SLC25A21: variants seen among roughly 807,000 people sequenced by gnomAD.
SLC25A21 encodes mitochondrial 2-oxodicarboxylate carrier.
SLC25A21 carries 47 observed loss-of-function variants against 43.8 expected under a neutral mutation model. That is an observed-to-expected ratio of 1.07 (90% CI 0.85 to 1.37). The LOEUF (loss-of-function observed/expected upper bound fraction) is 1.37, where lower values mean the gene tolerates loss of function less well. Among genes scored for constraint, SLC25A21 ranks in the 40% most tolerant of loss-of-function variants. SLC25A21 has a pLI of 0.00. For missense variants in SLC25A21, 352 were observed against 350.2 expected (o/e 1.00, Z -0.04); for synonymous variants, 131 against 121.3 (o/e 1.08, Z -0.52).
intron 1 of SLC25A21, among the ~76,000 whole-genome samples, chr14:36,882,795 T>C (rs1485399031): frequency 6.6e-6 from 1 of 151,594 alleles, no homozygotes; most frequent in Admixed American, 6.6e-5. Flanking sequence ...AGCCTAGATA[T>C]TCAGTCTAAA....
At chr14:36,895,981 A>G (rs1247072243) in intron 1 of SLC25A21, among the ~76,000 whole-genome samples, 1 of 152,150 alleles carries the variant, frequency 6.6e-6, no homozygotes, top group African/African-American at 2.4e-5. Flanking sequence ...ATTTTGGAAT[A>G]GGTGTGGTGT....
intron 1 of SLC25A21, among the ~76,000 whole-genome samples, chr14:36,961,251 G>A (rs535543801): frequency 1.7e-4 from 26 of 149,488 alleles, no homozygotes; most frequent in African/African-American, 3.3e-4. Flanking sequence ...TCGCTCTGTC[G>A]CCCAGGCTGG....
intron 3 of SLC25A21, among the ~76,000 whole-genome samples, chr14:36,765,574 T>C (rs1886381619): frequency 6.6e-6 from 1 of 152,196 alleles, no homozygotes; most frequent in African/African-American, 2.4e-5. Context: ...CTTACTGTTG[T>C]GCTTCCAGTA....
intron 2 of SLC25A21, among the ~76,000 whole-genome samples, chr14:36,863,161 A>G (rs1890121033): frequency 6.6e-6 from 1 of 152,180 alleles, no homozygotes; most frequent in Admixed American, 6.5e-5. Flanking sequence ...AGAAAAAATG[A>G]TGTCTGGAGA....
In SLC25A21 at chr14:36,739,685, GAA is replaced by G. The variant is rs34054791; in HGVS notation, c.204-5114_204-5113del. Reference sequence around the variant, plus strand: ...GAGCAAGACTCTGTCTAAAAAAAAAGAAAAAAAAAAAAAAGAGGCACACCAGG... The same window carrying G: ...GAGCAAGACTCTGTCTAAAAAAAAAGAAAAAAAAAAAAGAGGCACACCAGG... On this transcript the variant is annotated intron_variant, in intron 3 of 9. Transcript: ENST00000331299. Among the ~76,000 whole-genome samples, 830 of 137,790 alleles carry G rather than the reference GAA, an allele frequency of 6.0e-3. 9 individuals are homozygous for G. Among genetic ancestry groups the G allele is most frequent in the African/African-American group, 0.019 (735 of 37,866 alleles). The allele number at this position is 137,790 out of a possible 152,430, so 90.4% of individuals were successfully genotyped here. A position where few individuals can be genotyped will look rare whatever the true frequency, so the allele number is the denominator to read the frequency against.
chr14:36,732,662 C>G (rs991929638), intron 4 of SLC25A21, among the ~76,000 whole-genome samples: 2 of 152,060 alleles, frequency 1.3e-5, no homozygotes, highest in African/African-American at 4.8e-5. Context: ...ACCCCGCCCC[C>G]CTCAGTCTCT....
intron 7 of SLC25A21, among the ~76,000 whole-genome samples, chr14:36,709,523 T>A (rs1166440514): frequency 6.6e-6 from 1 of 152,118 alleles, no homozygotes; most frequent in Non-Finnish European, 1.5e-5. Flanking sequence ...GAATTGTCAG[T>A]CACTAGGGGG....
chr14:37,062,212 A>C (rs905451782), intron 1 of SLC25A21, among the ~76,000 whole-genome samples: 1 of 152,234 alleles, frequency 6.6e-6, no homozygotes, highest in African/African-American at 2.4e-5. Context: ...ACTTTCACCA[A>C]TGTGTTGATT....
chr14:37,051,207 T>C (rs1961696795), intron 1 of SLC25A21, among the ~76,000 whole-genome samples: 1 of 152,214 alleles, frequency 6.6e-6, no homozygotes, highest in Non-Finnish European at 1.5e-5. Context: ...TAAAAGTAAG[T>C]TTCTGAAGAA....
chr14:37,133,230 A>G (rs1963421679), intron 1 of SLC25A21, among the ~76,000 whole-genome samples: 1 of 151,968 alleles, frequency 6.6e-6, no homozygotes, highest in African/African-American at 2.4e-5. Flanking sequence ...ATGACTATCA[A>G]ACTTTTTTGG....
At chr14:37,098,806 T>TAGATAGATAGATAGA (rs1491150034) in intron 1 of SLC25A21, among the ~76,000 whole-genome samples, 8 of 4,174 alleles carry the variant, frequency 1.9e-3, no homozygotes, top group African/African-American at 2.2e-3. Flanking sequence ...GATAGATAGA[T>TAGATAGATAGATAGA]TTTTTTTTTT....
chr14:37,030,975 A>C (rs140933309), intron 1 of SLC25A21, among the ~76,000 whole-genome samples: 31 of 152,270 alleles, frequency 2.0e-4, no homozygotes, highest in African/African-American at 6.0e-4. Context: ...AGGAAATGGG[A>C]ATTTCCAAAG....
intron 1 of SLC25A21, among the ~76,000 whole-genome samples, chr14:37,049,747 A>T (rs921193276): frequency 2.0e-5 from 3 of 152,256 alleles, no homozygotes; most frequent in Admixed American, 6.5e-5. Flanking sequence ...AATTAATTTT[A>T]AAAATATATT....
intron 2 of SLC25A21, among the ~76,000 whole-genome samples, chr14:36,828,901 C>G (rs1221910823): frequency 1.3e-5 from 2 of 152,068 alleles, no homozygotes; most frequent in East Asian, 1.9e-4. Context: ...CTACCCCTTT[C>G]TTTGTTTTGT....
At chr14:36,872,557 C>T (rs548631118) in intron 2 of SLC25A21, among the ~76,000 whole-genome samples, 1 of 152,290 alleles carries the variant, frequency 6.6e-6, no homozygotes, top group South Asian at 2.1e-4. Context: ...ACTTCTGTTG[C>T]AGTGTCAGTT....
intron 1 of SLC25A21, among the ~76,000 whole-genome samples, chr14:36,939,386 A>G (rs1300058500): frequency 6.6e-6 from 1 of 152,120 alleles, no homozygotes; most frequent in East Asian, 1.9e-4. Flanking sequence ...ACGATTAAAT[A>G]GAATATACTC....
chr14:36,746,511 T>C (rs944844177), intron 3 of SLC25A21, among the ~76,000 whole-genome samples: 3 of 152,136 alleles, frequency 2.0e-5, no homozygotes, highest in African/African-American at 4.8e-5. Flanking sequence ...TGTACATTTA[T>C]TTGGGCGATG....
chr14:36,971,307 C>T (rs1959743082), intron 1 of SLC25A21, among the ~76,000 whole-genome samples: 1 of 152,154 alleles, frequency 6.6e-6, no homozygotes, highest in Non-Finnish European at 1.5e-5. Context: ...GAAGCTTGCA[C>T]AGGTGAATGC....
chr14:36,987,172 T>A (rs139575308), intron 1 of SLC25A21, among the ~76,000 whole-genome samples: 12 of 152,274 alleles, frequency 7.9e-5, no homozygotes, highest in Non-Finnish European at 1.8e-4. Flanking sequence ...ATTCCTTTCA[T>A]CCAGTTCCTT....
Sources: gnomAD v4.1 joint callset for allele counts (sites outside exome capture counted in the v4.1 genomes callset) on GRCh38, gnomAD v4.1.1 for gene constraint, MANE v1.5 for transcripts, NCBI Gene and HGNC (gene_info 2026-07-23, HGNC 2026-07-21) for gene names.